The following FAM149A variants were observed in gnomAD, a reference collection of about 807,000 sequenced individuals.
FAM149A encodes the protein protein FAM149A.
Under a neutral mutation model 78.2 loss-of-function variants are expected in FAM149A, and 71 were observed. The ratio of observed to expected loss-of-function variants is 0.91; its 90% CI spans 0.75 to 1.11. The LOEUF (loss-of-function observed/expected upper bound fraction) is 1.11, where lower values mean the gene tolerates loss of function less well. Ranked by LOEUF, FAM149A falls within the 50% of genes least tolerant of loss-of-function variation. The pLI, the probability that FAM149A is intolerant of heterozygous loss-of-function variation, is 0.00. For synonymous variants in FAM149A, 446 were observed against 410.5 expected, an observed-to-expected ratio of 1.09 and a Z score of -1.04; for missense variants, 1,036 against 971.0, an observed-to-expected ratio of 1.07 and a Z score of -0.89.
intron 13 of FAM149A, chr4:186,169,173 CA>C: frequency 3.1e-6 from 3 of 983,230 alleles, no homozygotes; most frequent in Non-Finnish European, 3.6e-6. Flanking sequence ...GACCAAATGC[CA>C]AGTCAGTGTA....
intron 1 of FAM149A, chr4:186,130,095 G>A (rs1042685590): frequency 1.3e-5 from 2 of 151,986 alleles, no homozygotes; most frequent in African/African-American, 2.4e-5. Context: ...AGAAAAAAGT[G>A]TTTTTTGCCA....
chr4:186,126,826 T>C, intron 1 of FAM149A: 1 of 930,598 alleles, frequency 1.1e-6, no homozygotes. Context: ...TCCTGGTGTA[T>C]GTCTCTGTAT....
chr4:186,152,542 T>TTTTG (rs1329582566), intron 4 of FAM149A, among the ~76,000 whole-genome samples: 3 of 107,250 alleles, frequency 2.8e-5, no homozygotes, highest in Non-Finnish European at 6.0e-5. Context: ...CTTTTTGCTT[T>TTTTG]TTTTTTTTTT....
intron 1 of FAM149A, among the ~76,000 whole-genome samples, chr4:186,120,781 A>G (rs1293711173): frequency 7.6e-6 from 1 of 131,378 alleles, no homozygotes; most frequent in Non-Finnish European, 1.7e-5. Flanking sequence ...GCGACAGAGC[A>G]AGACTCCATC....
rs1735589521 is a variant in FAM149A, at chr4:186,172,153, T to A, written c.*166T>A. 9.2e-7 allele frequency: 1 copy of A among 1,092,206 alleles called. No homozygotes were observed. 67.7% of individuals were successfully genotyped at this position (1,092,206 alleles called of 1,614,324 possible). On this transcript the variant is annotated 3_prime_UTR_variant, in exon 14 of 14. Transcript: ENST00000389354. ...TCACTTAATCTTGAACACTTTGCAC[T>A]GTAAAGAGAGTGAAAGTCAAACCCA...
At position 186,149,765 on chromosome 4, in the gene FAM149A, C is replaced by T. The variant is rs539968862; in HGVS notation, c.789+61C>T. 3,735 of 1,133,864 alleles carry T rather than the reference C, an allele frequency of 3.3e-3. 16 individuals carry two copies. The highest frequency in any genetic ancestry group is 7.9e-3 in the Middle Eastern group (32 of 4,060). 70.2% of individuals were successfully genotyped at this position (1,133,864 alleles called of 1,614,324 possible). ...ACAGTTTATAGTGAAGAGTTGCTTC[C>T]TTATATTCAAAATTATTTTTACCAA... is the stretch of plus-strand genomic sequence containing the variant. On this transcript the variant is annotated intron_variant, in intron 3 of 13. Transcript: ENST00000389354.
At chr4:186,156,440 G>A (rs776781640) in intron 7 of FAM149A, among the ~76,000 whole-genome samples, 9 of 152,160 alleles carry the variant, frequency 5.9e-5, no homozygotes, top group South Asian at 2.1e-4. Flanking sequence ...TTGGGAGGCC[G>A]AGGCAGGTAG....
intron 1 of FAM149A, among the ~76,000 whole-genome samples, chr4:186,146,180 C>A (rs2126439712): frequency 6.6e-6 from 1 of 152,230 alleles, no homozygotes; most frequent in East Asian, 1.9e-4. Flanking sequence ...TTCCTGTTCA[C>A]CTCGTTTTTT....
chr4:186,151,518 T>C (rs183135672), intron 3 of FAM149A, among the ~76,000 whole-genome samples: 1 of 152,264 alleles, frequency 6.6e-6, no homozygotes, highest in African/African-American at 2.4e-5. Context: ...TGTGCTTAGG[T>C]GTGTCAGGCA....
At chr4:186,157,861 A>G (rs538448270) in intron 8 of FAM149A, 142 bp downstream of exon 8, 1 of 1,546,062 alleles carries the variant, frequency 6.5e-7, no homozygotes. Flanking sequence ...CAGGCTTTCC[A>G]TGGTAACTTA....
At position 186,137,757 on chromosome 4, in the gene FAM149A, C is replaced by A. The variant is rs560058269; in HGVS notation, c.567-11416C>A. Among the ~76,000 whole-genome samples the A allele has an allele frequency of 2.6e-4, 40 of 151,954 alleles. 1 individual carries two copies. Among genetic ancestry groups the A allele is most frequent in the African/African-American group, 9.4e-4 (39 of 41,470 alleles). ...AGAACATGCTCATAAAAGAAAAATT[C>A]TGTTATCATTTAATATCATATTTAT... On this transcript the variant is annotated intron_variant, in intron 1 of 13. Coordinates refer to ENST00000389354, the MANE Select transcript of FAM149A (RefSeq NM_001367768.3).
intron 1 of FAM149A, chr4:186,117,923 A>T (rs1252610104): frequency 1.0e-6 from 1 of 985,304 alleles, no homozygotes; most frequent in East Asian, 1.1e-4. Flanking sequence ...GGAAGGGCTG[A>T]AGATGATGTC....
At chr4:186,112,261 C>A (rs928466259) in intron 1 of FAM149A, among the ~76,000 whole-genome samples, 1 of 150,314 alleles carries the variant, frequency 6.7e-6, no homozygotes, top group African/African-American at 2.5e-5. Flanking sequence ...CCTGAGACTT[C>A]GCTGAAGTTG....
At chr4:186,133,738 C>T (rs1302735683) in intron 1 of FAM149A, among the ~76,000 whole-genome samples, 1 of 152,188 alleles carries the variant, frequency 6.6e-6, no homozygotes, top group African/African-American at 2.4e-5. Flanking sequence ...TCACTGCAAC[C>T]CTGACCTCCT....
intron 1 of FAM149A, chr4:186,118,090 G>T: frequency 1.0e-6 from 1 of 985,428 alleles, no homozygotes; most frequent in East Asian, 1.1e-4. Context: ...ATTCATGGTG[G>T]AATATGGCAG....
At chr4:186,117,127 C>T (rs1241628987) in intron 1 of FAM149A, among the ~76,000 whole-genome samples, 1 of 152,068 alleles carries the variant, frequency 6.6e-6, no homozygotes, top group African/African-American at 2.4e-5. Flanking sequence ...TCTATACAAA[C>T]TTGTCCCTGT....
Position 186,105,424 on chromosome 4 carries a change from G to A in FAM149A, c.348G>A (p.Gly116=), listed in dbSNP as rs1267245571. ...CCCAGCCCCCCACTCCCTCCGGCGG[G>A]GGCTGCTCCCCTGCTCGCCTGGTGG... The change falls in exon 1 of 14, where the codon GGG becomes GGA. Residue 116 remains glycine, a synonymous_variant. Coordinates refer to ENST00000389354, the MANE Select transcript of FAM149A (RefSeq NM_001367768.3). 4 of 1,203,082 alleles carry A rather than the reference G, an allele frequency of 3.3e-6. No individual in the cohort carries two copies. The highest frequency in any genetic ancestry group is 4.2e-6 in the Non-Finnish European group (4 of 953,086). The allele number at this position is 1,203,082 out of a possible 1,614,324, so 74.5% of individuals were successfully genotyped here.
At chr4:186,145,107 A>C in intron 1 of FAM149A, 1 of 985,452 alleles carries the variant, frequency 1.0e-6, no homozygotes, top group Non-Finnish European at 1.2e-6. Context: ...GGCTGATCGT[A>C]ATCGGGTGAG....
chr4:186,154,040 C>G (rs10011861), intron 5 of FAM149A, among the ~76,000 whole-genome samples: 2 of 152,112 alleles, frequency 1.3e-5, no homozygotes, highest in Admixed American at 6.5e-5. Flanking sequence ...GTTCCAAAGG[C>G]GCTGTGAAAG....
Sources: gnomAD v4.1 joint callset for allele counts (sites outside exome capture counted in the v4.1 genomes callset) on GRCh38, gnomAD v4.1.1 for gene constraint, MANE v1.5 for transcripts, NCBI Gene and HGNC (gene_info 2026-07-23, HGNC 2026-07-21) for gene names.